EEPD1: variants seen among roughly 807,000 people sequenced by gnomAD.
The protein encoded by EEPD1 is endonuclease/exonuclease/phosphatase family domain containing 1, also known as endonuclease/exonuclease/phosphatase family domain-containing protein 1.
A neutral mutation model predicts 46.3 loss-of-function variants in EEPD1; 17 were observed. The ratio of observed to expected loss-of-function variants is 0.37; its 90% CI spans 0.25 to 0.55. The LOEUF (loss-of-function observed/expected upper bound fraction) is 0.55, where lower values mean the gene tolerates loss of function less well. EEPD1 is among the 20% of genes least tolerant of loss of function. EEPD1 has a pLI of 0.83. For synonymous variants in EEPD1, 313 were observed against 315.6 expected, an observed-to-expected ratio of 0.99 and a Z score of 0.09; for missense variants, 673 against 745.6, an observed-to-expected ratio of 0.90 and a Z score of 1.13.
chr7:36,264,190 G>A (rs1786975332), intron 3 of EEPD1, among the ~76,000 whole-genome samples: 1 of 152,128 alleles, frequency 6.6e-6, no homozygotes, highest in African/African-American at 2.4e-5. Context: ...GTTTCATTTT[G>A]TTTCAGTTCC....
At chr7:36,188,845 A>T (rs992769041) in intron 2 of EEPD1, among the ~76,000 whole-genome samples, 6 of 152,158 alleles carry the variant, frequency 3.9e-5, no homozygotes, top group Non-Finnish European at 7.3e-5. Context: ...ATGAATGCTT[A>T]TGAGGCCCAT....
At chr7:36,286,351 G>T (rs904270026) in intron 5 of EEPD1, among the ~76,000 whole-genome samples, 7 of 152,220 alleles carry the variant, frequency 4.6e-5, no homozygotes, top group Non-Finnish European at 1.0e-4. Flanking sequence ...CAGAGCTGCA[G>T]CTGCAGAGCT....
intron 2 of EEPD1, among the ~76,000 whole-genome samples, chr7:36,181,117 C>T (rs1785263568): frequency 1.3e-5 from 2 of 152,160 alleles, no homozygotes; most frequent in South Asian, 4.1e-4. Context: ...CCTGGTAATG[C>T]TGGCAAAGGC....
chr7:36,287,911 A>C (rs1583479919), intron 6 of EEPD1, 134 bp downstream of exon 6: 1 of 1,272,332 alleles, frequency 7.9e-7, no homozygotes, highest in Non-Finnish European at 1.1e-6. Flanking sequence ...GGACAGTCAA[A>C]CCTCTGGCAT....
intron 4 of EEPD1, 114 bp from the exon 5 acceptor site, chr7:36,284,572 A>G (rs1388144043): frequency 9.0e-6 from 12 of 1,337,164 alleles, no homozygotes; most frequent in Non-Finnish European, 1.2e-5. Flanking sequence ...GTTTAGAAAC[A>G]GCTTGAGCCA....
In EEPD1 at chr7:36,154,288, T is replaced by C; in HGVS notation, c.-37T>C. On this transcript the variant is annotated 5_prime_UTR_variant, in exon 2 of 8. Coordinates refer to ENST00000242108, the MANE Select transcript of EEPD1 (RefSeq NM_030636.3). This position sits in a 1 kb window ranked among gnomAD's most constrained non-coding sequence, Gnocchi z 4.2. ...CCCTAGCCAGAGAGCTCTTCTGCAG[T>C]GGTGCGGCCTTCCCGGGAGCCTGAT... is the stretch of plus-strand genomic sequence containing the variant. 5 of 1,578,976 alleles carry C rather than the reference T, an allele frequency of 3.2e-6. No homozygotes were observed. Among genetic ancestry groups the C allele is most frequent in the Non-Finnish European group, 4.3e-6 (5 of 1,167,666 alleles).
chr7:36,168,318 T>C (rs148176714), intron 2 of EEPD1, among the ~76,000 whole-genome samples: 31 of 152,366 alleles, frequency 2.0e-4, no homozygotes, highest in Non-Finnish European at 2.4e-4. Flanking sequence ...ATGTCCACTT[T>C]ACACATAAGG....
intron 2 of EEPD1, among the ~76,000 whole-genome samples, chr7:36,164,020 C>T (rs889819595): frequency 2.6e-5 from 4 of 151,726 alleles, no homozygotes; most frequent in Non-Finnish European, 5.9e-5. Context: ...TATGATTTTT[C>T]GTAAGTATAC....
chr7:36,197,284 G>A (rs1055313869), intron 2 of EEPD1, among the ~76,000 whole-genome samples: 27 of 145,710 alleles, frequency 1.9e-4, no homozygotes, highest in African/African-American at 7.0e-4. Flanking sequence ...CGTCCGGGAG[G>A]GAGGTGGGGG....
intron 3 of EEPD1, among the ~76,000 whole-genome samples, chr7:36,258,777 A>G (rs756625191): frequency 3.9e-5 from 6 of 151,950 alleles, no homozygotes; most frequent in Non-Finnish European, 5.9e-5. Flanking sequence ...GTTGGGATCC[A>G]CTGAGCTAGA....
Position 36,154,978 on chromosome 7 carries a change from C to T in EEPD1, c.654C>T (p.His218=). Residue 218 remains histidine, a synonymous_variant, in exon 2 of 8, where the codon CAC becomes CAT. Coordinates refer to ENST00000242108, the MANE Select transcript of EEPD1 (RefSeq NM_030636.3). The surrounding 1 kb of genome is among the most constrained non-coding windows in gnomAD (Gnocchi z 4.2). ...NGGLTFTAKP[H]PSPTSLSLQS... is the part of the protein sequence containing the mutation. Reference sequence around the variant, plus strand: ...GACTGACCTTCACCGCCAAGCCTCACCCGAGCCCCACTTCCCTGAGCCTGC... The same window carrying T: ...GACTGACCTTCACCGCCAAGCCTCATCCGAGCCCCACTTCCCTGAGCCTGC... 1.2e-6 allele frequency: 2 copies of T among 1,613,714 alleles called. No individual in the cohort carries two copies. Among genetic ancestry groups the T allele is most frequent in the Non-Finnish European group, 8.5e-7 (1 of 1,179,834 alleles).
intron 2 of EEPD1, among the ~76,000 whole-genome samples, chr7:36,179,952 G>C (rs1307053588): frequency 6.6e-6 from 1 of 152,138 alleles, no homozygotes; most frequent in Non-Finnish European, 1.5e-5. Flanking sequence ...GCACTCTCAG[G>C]ATGCCCTTCA....
chr7:36,227,057 C>T (rs1421994202), intron 2 of EEPD1, among the ~76,000 whole-genome samples: 1 of 151,888 alleles, frequency 6.6e-6, no homozygotes, highest in South Asian at 2.1e-4. Flanking sequence ...AAATATCTAC[C>T]CATCTTAAAG....
intron 2 of EEPD1, chr7:36,231,140 G>A (rs564506239): frequency 3.3e-5 from 5 of 152,258 alleles, no homozygotes; most frequent in African/African-American, 9.7e-5. Flanking sequence ...TGTGGTCCGT[G>A]TCCCATGCCG....
At chr7:36,212,276 G>A (rs932319724) in intron 2 of EEPD1, among the ~76,000 whole-genome samples, 2 of 152,022 alleles carry the variant, frequency 1.3e-5, no homozygotes, top group African/African-American at 4.8e-5. Flanking sequence ...ATTGCTGGGG[G>A]GAGTGTAGCT....
intron 3 of EEPD1, among the ~76,000 whole-genome samples, chr7:36,258,670 C>T (rs1786864977): frequency 6.6e-6 from 1 of 152,046 alleles, no homozygotes; most frequent in Admixed American, 6.6e-5. Flanking sequence ...GGACGCCCCT[C>T]CCCCCACCAG....
At chr7:36,177,145 C>T (rs1320088931) in intron 2 of EEPD1, among the ~76,000 whole-genome samples, 2 of 152,092 alleles carry the variant, frequency 1.3e-5, no homozygotes, top group South Asian at 4.1e-4. Context: ...TTGAATTTTA[C>T]ACTTCCAGTG....
chr7:36,222,108 GA>G (rs1338807129), intron 2 of EEPD1, among the ~76,000 whole-genome samples: 3 of 152,068 alleles, frequency 2.0e-5, no homozygotes, highest in African/African-American at 7.3e-5. Context: ...CTGCAAAATT[GA>G]AAATTCACAT....
intron 2 of EEPD1, among the ~76,000 whole-genome samples, chr7:36,228,455 A>G (rs983222226): frequency 2.0e-5 from 3 of 151,750 alleles, no homozygotes; most frequent in African/African-American, 7.3e-5. Context: ...TGAACCTGGG[A>G]GGCAGAGGTT....
Sources: allele counts gnomAD v4.1 joint callset (sites outside exome capture counted in the v4.1 genomes callset), GRCh38; gene constraint gnomAD v4.1.1; non-coding constraint Gnocchi (gnomAD v3.1); transcripts MANE v1.5; gene names NCBI Gene and HGNC (gene_info 2026-07-23, HGNC 2026-07-21).